Variants in IL12RB2 observed in about 807,000 individuals in gnomAD.
The protein encoded by IL12RB2 is interleukin-12 receptor subunit beta-2.
A neutral mutation model predicts 89.4 loss-of-function variants in IL12RB2; 82 were observed. The observed-to-expected ratio is 0.92, with a 90% confidence interval of 0.77 to 1.10. The LOEUF (loss-of-function observed/expected upper bound fraction) is 1.10. IL12RB2 is among the 50% of genes least tolerant of loss of function. The probability of loss-of-function intolerance (pLI) is 0.00; values close to 1 mark genes in which losing one functional copy is unlikely to be tolerated. For missense variants in IL12RB2, 963 were observed against 1,031.9 expected (o/e 0.93, Z 0.92); for synonymous variants, 368 against 370.1 (o/e 0.99, Z 0.07).
intron 1 of IL12RB2, among the ~76,000 whole-genome samples, chr1:67,309,728 G>A (rs1483617117): frequency 6.6e-6 from 1 of 152,106 alleles, no homozygotes; most frequent in Admixed American, 6.5e-5. Flanking sequence ...TAATTTTTAA[G>A]GTAGAAGAAT....
Position 67,398,155 on chromosome 1 carries a change from T to G in IL12RB2, c.*2066T>G, listed in dbSNP as rs1370230684. Among the ~76,000 whole-genome samples, 2 of 152,184 alleles carry G rather than the reference T, an allele frequency of 1.3e-5. No homozygotes were observed. The highest frequency in any genetic ancestry group is 4.1e-4 in the South Asian group (2 of 4,834). ...GGCACCCCCAATGGTTCCTTTCCTCTCAGCATCGCTGTAGCTTGCCTGTAC... is the reference window on the plus strand; with the variant it reads ...GGCACCCCCAATGGTTCCTTTCCTCGCAGCATCGCTGTAGCTTGCCTGTAC... On this transcript the variant is annotated 3_prime_UTR_variant, in exon 17 of 17. Transcript: ENST00000674203.
chr1:67,355,986 C>T (rs977071276), intron 10 of IL12RB2, among the ~76,000 whole-genome samples: 2 of 152,146 alleles, frequency 1.3e-5, no homozygotes, highest in Non-Finnish European at 2.9e-5. Context: ...GCTTTTTTAC[C>T]TCAATACTTG....
chr1:67,321,932 G>C (rs1558299411), intron 4 of IL12RB2, 43 bp downstream of exon 4: 2 of 1,550,966 alleles, frequency 1.3e-6, no homozygotes, highest in Non-Finnish European at 1.8e-6. Context: ...GTGATCTTTT[G>C]GTATTTTTGA....
At chr1:67,367,745 G>A (rs1025732235) in intron 10 of IL12RB2, 80 bp from the exon 11 acceptor site, 146 of 836,058 alleles carry the variant, frequency 1.7e-4, no homozygotes, top group Non-Finnish European at 2.9e-4. Flanking sequence ...GTTGGGATAA[G>A]CTGTTTGGCT....
intron 4 of IL12RB2, among the ~76,000 whole-genome samples, chr1:67,324,100 A>G (rs911764997): frequency 1.3e-5 from 2 of 152,258 alleles, no homozygotes; most frequent in African/African-American, 4.8e-5. Context: ...ATAGTATTCT[A>G]TATGGCTCAG....
chr1:67,357,996 A>C (rs973829303), intron 10 of IL12RB2, among the ~76,000 whole-genome samples: 4 of 152,238 alleles, frequency 2.6e-5, no homozygotes, highest in African/African-American at 9.6e-5. Flanking sequence ...ACAGAATGAA[A>C]GAAAAACATA....
At position 67,372,485 on chromosome 1, in the gene IL12RB2, A is replaced by G. The variant is rs771180528; in HGVS notation, c.1509A>G (p.Ser503=). 20 of 1,604,786 alleles carry G rather than the reference A, an allele frequency of 1.2e-5. No homozygotes were observed. Among genetic ancestry groups the G allele is most frequent in the Non-Finnish European group, 1.7e-5 (20 of 1,171,514 alleles). The change falls in exon 12 of 17, where the codon TCA becomes TCG. Residue 503 remains serine (S), a synonymous_variant. Coordinates refer to ENST00000674203, the MANE Select transcript of IL12RB2 (RefSeq NM_001374259.2). ...ICYEIRVYAL[S]GDQGGCSSIL... The stretch of plus-strand genomic sequence containing the variant: ...ATGAAATCCGTGTGTATGCACTCTC[A>G]GGGGATCAAGGAGGATGCAGCTCCA...
At chr1:67,352,665 C>A (rs1405560361) in intron 10 of IL12RB2, among the ~76,000 whole-genome samples, 2 of 152,170 alleles carry the variant, frequency 1.3e-5, no homozygotes, top group Non-Finnish European at 2.9e-5. Flanking sequence ...TAATCTCTCT[C>A]TATATTTATC....
chr1:67,362,400 A>G (rs1379184612), intron 10 of IL12RB2, among the ~76,000 whole-genome samples: 1 of 148,606 alleles, frequency 6.7e-6, no homozygotes, highest in Non-Finnish European at 1.5e-5. Flanking sequence ...CCCCGTCTCT[A>G]CTAAAAATAC....
intron 7 of IL12RB2, 140 bp downstream of exon 7, chr1:67,329,869 C>T: frequency 1.4e-6 from 1 of 701,432 alleles, no homozygotes; most frequent in South Asian, 1.6e-5. Flanking sequence ...ATCAGAAAGT[C>T]ATGTATGCCT....
chr1:67,311,794 C>T (rs1438916069), intron 1 of IL12RB2, among the ~76,000 whole-genome samples: 2 of 152,144 alleles, frequency 1.3e-5, no homozygotes, highest in East Asian at 3.9e-4. Context: ...TTTAATTCCC[C>T]TCCCAAGTGT....
At chr1:67,374,662 G>C (rs748670408) in intron 13 of IL12RB2, among the ~76,000 whole-genome samples, 1 of 151,806 alleles carries the variant, frequency 6.6e-6, no homozygotes, top group African/African-American at 2.4e-5. Context: ...TTTTAGTAGA[G>C]GAGGGGTTTC....
In IL12RB2 at chr1:67,396,328, A is replaced by C. The variant is rs1196784846; in HGVS notation, c.*239A>C. 8 of 586,178 alleles carry C rather than the reference A, an allele frequency of 1.4e-5. No individual in the cohort carries two copies. The East Asian group carries it at 2.3e-4, about 17-fold the overall frequency. 36.3% of individuals were successfully genotyped at this position (586,178 alleles called of 1,614,324 possible). ...ATTACATCCTTCACTGTGTGGACCTAGAGACTCCAACTTGAATTCCTAGTA... is the reference window on the plus strand; with the variant it reads ...ATTACATCCTTCACTGTGTGGACCTCGAGACTCCAACTTGAATTCCTAGTA... On this transcript the variant is annotated 3_prime_UTR_variant, in exon 17 of 17. Coordinates refer to ENST00000674203, the MANE Select transcript of IL12RB2 (RefSeq NM_001374259.2).
rs149208943 is a variant in IL12RB2, at chr1:67,351,224, C to CT, written c.1258+144dup. The CT allele has an allele frequency of 5.6e-3, 8,100 of 1,435,370 alleles. 223 individuals are homozygous for CT. In the African/African-American group the frequency reaches 0.088, roughly 16 times the overall value. 88.9% of individuals were successfully genotyped at this position (1,435,370 alleles called of 1,614,324 possible). A position where few individuals can be genotyped will look rare whatever the true frequency, so the allele number is the denominator to read the frequency against. ...CTTTGGAGTCAACAGCTTTCAGAGGCTTTTTTTTTCTTTTCCAATCAGCCT... is the reference window on the plus strand; with the variant it reads ...CTTTGGAGTCAACAGCTTTCAGAGGCTTTTTTTTTTCTTTTCCAATCAGCCT... On this transcript the variant is annotated intron_variant, in intron 10 of 16. Coordinates refer to ENST00000674203, the MANE Select transcript of IL12RB2 (RefSeq NM_001374259.2).
chr1:67,330,178 G>A (rs1309128687), intron 7 of IL12RB2, among the ~76,000 whole-genome samples: 1 of 151,770 alleles, frequency 6.6e-6, no homozygotes, highest in Non-Finnish European at 1.5e-5. Flanking sequence ...GATTCTTTCC[G>A]GGATTGTTGT....
At position 67,351,000 on chromosome 1, in the gene IL12RB2, C is replaced by T; in HGVS notation, c.1169C>T (p.Thr390Ile). ...TCCTGGACCACAGTCATTCCTAGAACCGGAAATTGGGCTGTGGCTGTGTCT... is the reference window on the plus strand; with the variant it reads ...TCCTGGACCACAGTCATTCCTAGAATCGGAAATTGGGCTGTGGCTGTGTCT... ...HTSWTTVIPR[T>I]GNWAVAVSAA... Residue 390 changes from threonine to isoleucine, a missense_variant, in exon 10 of 17, where the codon ACC (threonine) becomes ATC (isoleucine). Physicochemically the swap from Thr to Ile is moderately conservative, Grantham distance 89. Transcript: ENST00000674203. 1 of 1,614,076 alleles carries T rather than the reference C, an allele frequency of 6.2e-7. No homozygotes were observed. Among genetic ancestry groups the T allele is most frequent in the Non-Finnish European group, 8.5e-7 (1 of 1,180,004 alleles).
chr1:67,363,982 C>T (rs1426443533), intron 10 of IL12RB2, among the ~76,000 whole-genome samples: 1 of 152,176 alleles, frequency 6.6e-6, no homozygotes, highest in Admixed American at 6.5e-5. Flanking sequence ...TACTCCAACT[C>T]CATCAAGTTA....
chr1:67,369,524 C>A (rs1357187150), intron 11 of IL12RB2, among the ~76,000 whole-genome samples: 1 of 152,130 alleles, frequency 6.6e-6, no homozygotes, highest in East Asian at 1.9e-4. Flanking sequence ...GCAGTAGAAC[C>A]AGTTTTCTTT....
chr1:67,325,375 G>A (rs1010303102), intron 4 of IL12RB2, among the ~76,000 whole-genome samples: 7 of 151,572 alleles, frequency 4.6e-5, no homozygotes, highest in Non-Finnish European at 4.4e-5. Flanking sequence ...TGATTCTCAC[G>A]CCTCAGCCTC....
Sources: gnomAD v4.1 joint callset for allele counts (sites outside exome capture counted in the v4.1 genomes callset) on GRCh38, gnomAD v4.1.1 for gene constraint, MANE v1.5 for transcripts, NCBI Gene and HGNC (gene_info 2026-07-23, HGNC 2026-07-21) for gene names.